The following FBLIM1 variants were observed in gnomAD, a reference collection of about 807,000 sequenced individuals.
FBLIM1 encodes the protein filamin binding LIM protein 1.
In FBLIM1, 29 loss-of-function variants were observed where a neutral mutation model predicts 37.4. The ratio of observed to expected loss-of-function variants is 0.77; its 90% CI spans 0.58 to 1.06. The LOEUF is 1.06. Ranked by LOEUF, FBLIM1 falls within the 50% of genes least tolerant of loss-of-function variation. FBLIM1 has a pLI of 0.00. For synonymous variants in FBLIM1, 193 were observed against 199.0 expected, an observed-to-expected ratio of 0.97 and a Z score of 0.25; for missense variants, 449 against 505.6, an observed-to-expected ratio of 0.89 and a Z score of 1.07.
chr1:15,784,700 C>T lies in FBLIM1; in HGVS notation c.*39C>T, dbSNP rs1289870661. ...GCAGTGAACAGACCACTAGCCCCGG[C>T]TGGGGCCCTTCCCTGACTTGGTTTC... On this transcript the variant is annotated 3_prime_UTR_variant, in exon 9 of 9. Transcript: ENST00000375766. 6.4e-7 allele frequency: 1 copy of T among 1,573,802 alleles called. No individual in the cohort carries two copies. The highest frequency in any genetic ancestry group is 8.7e-7 in the Non-Finnish European group (1 of 1,146,572).
intron 6 of FBLIM1, among the ~76,000 whole-genome samples, chr1:15,773,681 G>GAAAAAAAAAAAAAAAA: frequency 9.3e-6 from 1 of 106,970 alleles, no homozygotes; most frequent in Non-Finnish European, 1.9e-5. Flanking sequence ...CTCCGTCTCA[G>GAAAAAAAAAAAAAAAA]AAAAAAAAAA....
At position 15,765,042 on chromosome 1, in the gene FBLIM1, C is replaced by A. The variant is rs1001529210; in HGVS notation, c.59C>A (p.Pro20Gln). 2 of 1,613,982 alleles carry A rather than the reference C, an allele frequency of 1.2e-6. No homozygotes were observed. Among genetic ancestry groups the A allele is most frequent in the African/African-American group, 1.3e-5 (1 of 74,928 alleles). The change falls in exon 3 of 9, where the codon CCG becomes CAG. Residue 20 changes from proline (P) to glutamine (Q), a missense_variant. Coordinates refer to ENST00000375766, the MANE Select transcript of FBLIM1 (RefSeq NM_017556.4). This position sits in a 1 kb window ranked among gnomAD's most constrained non-coding sequence, Gnocchi z 5.9. ...ASSVFITLAP[P>Q]RRDVAVAEEV... ...TCTGTCTTTATCACCCTGGCACCCC[C>A]GCGCCGCGATGTGGCCGTGGCGGAG...
At chr1:15,763,671 G>A (rs1383692429) in intron 1 of FBLIM1, among the ~76,000 whole-genome samples, 3 of 151,806 alleles carry the variant, frequency 2.0e-5, no homozygotes, top group Non-Finnish European at 4.4e-5. Flanking sequence ...ACAGAGTCTC[G>A]CTCTGTTGCC....
Position 15,774,601 on chromosome 1 carries a change from A to T in FBLIM1, c.712-17A>T. On this transcript the variant is annotated splice_polypyrimidine_tract_variant and intron_variant, in intron 6 of 8. Coordinates refer to ENST00000375766, the MANE Select transcript of FBLIM1 (RefSeq NM_017556.4). ...TGGGTGTGTCGTGGATGGTTCTGGC[A>T]GTGGCCTCTGTCCTAGGACACACTG... 1 of 1,602,710 alleles carries T rather than the reference A, an allele frequency of 6.2e-7. No homozygotes were observed. The highest frequency in any genetic ancestry group is 8.5e-7 in the Non-Finnish European group (1 of 1,173,416).
chr1:15,770,496 C>T lies in FBLIM1; in HGVS notation c.629C>T (p.Thr210Met), dbSNP rs748449115. 21 of 1,613,726 alleles carry T rather than the reference C, an allele frequency of 1.3e-5. No individual in the cohort carries two copies. The East Asian group carries it at 3.3e-4, about 26-fold the overall frequency. ...MKRQYHAQCF[T>M]CRTCRRQLAG... Reference sequence around the variant, plus strand: ...AGGCAGTACCATGCCCAGTGCTTCACGTGCCGCACCTGCCGCCGCCAGCTG... The same window carrying T: ...AGGCAGTACCATGCCCAGTGCTTCATGTGCCGCACCTGCCGCCGCCAGCTG... The change falls in exon 6 of 9, where the codon ACG (threonine) becomes ATG (methionine). Residue 210 changes from threonine to methionine, a missense_variant. Physicochemically the swap from Thr to Met is moderately conservative, Grantham distance 81. Transcript: ENST00000375766.
At chr1:15,775,992 T>C (rs1158098173) in intron 7 of FBLIM1, among the ~76,000 whole-genome samples, 2 of 152,146 alleles carry the variant, frequency 1.3e-5, no homozygotes, top group African/African-American at 2.4e-5. Flanking sequence ...GATTCCTGCC[T>C]TGGGGAGAAA....
At chr1:15,780,001 T>C (rs2069595607) in intron 8 of FBLIM1, among the ~76,000 whole-genome samples, 1 of 152,020 alleles carries the variant, frequency 6.6e-6, no homozygotes, top group Non-Finnish European at 1.5e-5. Flanking sequence ...CACCTTAGCA[T>C]CCTGAGTAGC....
chr1:15,780,360 G>A (rs569361121), intron 8 of FBLIM1, among the ~76,000 whole-genome samples: 4 of 151,968 alleles, frequency 2.6e-5, no homozygotes, highest in African/African-American at 7.2e-5. Flanking sequence ...CACCATGCCC[G>A]GGTAATTTTT....
In FBLIM1 at chr1:15,774,211, G is replaced by T. The variant is rs77598578; in HGVS notation, c.712-407G>T. Among the ~76,000 whole-genome samples, 463 of 152,258 alleles carry T rather than the reference G, an allele frequency of 3.0e-3. 9 individuals are homozygous for T. Among genetic ancestry groups the T allele is most frequent in the Admixed American group, 0.022 (330 of 15,280 alleles). On this transcript the variant is annotated intron_variant, in intron 6 of 8. Coordinates refer to ENST00000375766, the MANE Select transcript of FBLIM1 (RefSeq NM_017556.4). ...CGTGAAATGTGGAATTTGGCTCTGA[G>T]CTTCCAAGTGGCCAAATGGAAAAGG...
intron 6 of FBLIM1, 26 bp from the exon 7 acceptor site, chr1:15,774,592 G>T (rs774102246): frequency 6.3e-7 from 1 of 1,592,814 alleles, no homozygotes; most frequent in Non-Finnish European, 8.6e-7. Flanking sequence ...TGTCGTGGAT[G>T]GTTCTGGCAG....
chr1:15,760,946 G>C (rs929381828), intron 1 of FBLIM1, among the ~76,000 whole-genome samples: 1 of 152,162 alleles, frequency 6.6e-6, no homozygotes, highest in African/African-American at 2.4e-5. Context: ...CTCTCCCGAT[G>C]GGATTGACAG....
chr1:15,774,717 AC>A lies in FBLIM1; in HGVS notation c.813del (p.Cys272AlafsTer83). 1 of 1,614,078 alleles carries A rather than the reference AC, an allele frequency of 6.2e-7. No homozygotes were observed. Among genetic ancestry groups the A allele is most frequent in the Non-Finnish European group, 8.5e-7 (1 of 1,179,974 alleles). ...AFHPSCFTCVTCARCIGDESF... is the reference protein window; with the variant it reads ...AFHPSCFTCVXCARCIGDESF... Reference sequence around the variant, plus strand: ...CCACCCCTCCTGCTTCACGTGTGTGACCTGCGCCCGGTGCATTGGGGATGAG... The same window carrying A: ...CCACCCCTCCTGCTTCACGTGTGTGACTGCGCCCGGTGCATTGGGGATGAG... On this transcript the variant is annotated frameshift_variant, in exon 7 of 9. Transcript: ENST00000375766. LOFTEE classifies it high-confidence loss of function.
At chr1:15,770,689 T>C in intron 6 of FBLIM1, 111 bp downstream of exon 6, 1 of 1,272,260 alleles carries the variant, frequency 7.9e-7, no homozygotes, top group East Asian at 2.5e-5. Context: ...ATTGACCCCT[T>C]TCACAGATGA....
rs1363699959 is a variant in FBLIM1, at chr1:15,767,411, GA to G, written c.287del (p.Asp96AlafsTer38). 1 of 1,586,704 alleles carries G rather than the reference GA, an allele frequency of 6.3e-7. No homozygotes were observed. The highest frequency in any genetic ancestry group is 8.6e-7 in the Non-Finnish European group (1 of 1,165,932). On this transcript the variant is annotated frameshift_variant, in exon 4 of 9. Transcript: ENST00000375766. LOFTEE classifies it high-confidence loss of function. ...PPPPPVLDGE[D>X]VLPDLDLLPP... ...CCCTCCTCCTGTCCTGGATGGTGAGGACGTGCTTCCTGACCTGGACCTCCTC... is the reference window on the plus strand; with the variant it reads ...CCCTCCTCCTGTCCTGGATGGTGAGGCGTGCTTCCTGACCTGGACCTCCTC...
intron 3 of FBLIM1, among the ~76,000 whole-genome samples, chr1:15,766,603 T>TA (rs34270529): frequency 4.0e-5 from 6 of 151,342 alleles, no homozygotes; most frequent in Admixed American, 4.0e-4. Context: ...AGCCTAATTT[T>TA]TTTTTTTTTA....
Position 15,774,710 on chromosome 1 carries a change from G to A in FBLIM1, c.804G>A (p.Thr268=), listed in dbSNP as rs772913757. 8.1e-6 allele frequency: 13 copies of A among 1,614,008 alleles called. No individual in the cohort carries two copies. Among genetic ancestry groups the A allele is most frequent in the East Asian group, 2.2e-5 (1 of 44,890 alleles). ...LGQAFHPSCF[T]CVTCARCIGD... is the part of the protein sequence containing the mutation. ...AGGCCTTCCACCCCTCCTGCTTCAC[G>A]TGTGTGACCTGCGCCCGGTGCATTG... is the stretch of plus-strand genomic sequence containing the variant. Residue 268 remains threonine (T), a synonymous_variant, in exon 7 of 9, where the codon ACG becomes ACA. Coordinates refer to ENST00000375766, the MANE Select transcript of FBLIM1 (RefSeq NM_017556.4).
intron 8 of FBLIM1, among the ~76,000 whole-genome samples, chr1:15,779,829 T>A (rs1489340728): frequency 6.6e-6 from 1 of 152,176 alleles, no homozygotes; most frequent in African/African-American, 2.4e-5. Context: ...AGAAGGGTCC[T>A]ATGCTAGTTT....
At chr1:15,776,036 T>C (rs1278084097) in intron 7 of FBLIM1, among the ~76,000 whole-genome samples, 2 of 152,056 alleles carry the variant, frequency 1.3e-5, no homozygotes, top group Non-Finnish European at 2.9e-5. Flanking sequence ...AGAAATTCTG[T>C]TTTCTAAGGC....
chr1:15,777,013 G>C (rs1416435152), intron 7 of FBLIM1, 157 bp from the exon 8 acceptor site: 1 of 648,016 alleles, frequency 1.5e-6, no homozygotes. Flanking sequence ...CTCTCCACCT[G>C]CTCCTGCCAA....
Sources: gnomAD v4.1 joint callset for allele counts (sites outside exome capture counted in the v4.1 genomes callset) on GRCh38, gnomAD v4.1.1 for gene constraint, Gnocchi (gnomAD v3.1) non-coding constraint, MANE v1.5 for transcripts, NCBI Gene and HGNC (gene_info 2026-07-23, HGNC 2026-07-21) for gene names.